Variants in DLG4 observed in about 807,000 individuals in gnomAD.
DLG4 encodes discs large MAGUK scaffold protein 4.
In DLG4, 7 loss-of-function variants were observed where a neutral mutation model predicts 93.8. The ratio of observed to expected loss-of-function variants is 0.07; its 90% CI spans 0.04 to 0.14. The LOEUF (loss-of-function observed/expected upper bound fraction) is 0.14, where lower values mean the gene tolerates loss of function less well. Ranked by LOEUF, DLG4 falls within the 10% of genes least tolerant of loss-of-function variation. DLG4 has a pLI of 1.00. For synonymous variants in DLG4, 341 were observed against 387.6 expected (o/e 0.88, Z 1.41); for missense variants, 545 against 992.9 (o/e 0.55, Z 6.06).
intron 8 of DLG4, among the ~76,000 whole-genome samples, chr17:7,202,260 C>T (rs1415650996): frequency 1.3e-5 from 2 of 152,024 alleles, no homozygotes; most frequent in South Asian, 4.1e-4. Flanking sequence ...GACAGGATCT[C>T]GCTTTGTTGC....
At chr17:7,198,407 C>T (rs905221113) in intron 8 of DLG4, among the ~76,000 whole-genome samples, 1 of 149,738 alleles carries the variant, frequency 6.7e-6, no homozygotes, top group African/African-American at 2.5e-5. Context: ...TGCTTGAACC[C>T]AGGAGGCGGA....
intron 2 of DLG4, among the ~76,000 whole-genome samples, chr17:7,207,158 G>A (rs1446536400): frequency 2.0e-5 from 3 of 152,004 alleles, no homozygotes; most frequent in Non-Finnish European, 2.9e-5. Flanking sequence ...AACCCAAGAG[G>A]ATGAGAGAGG....
In DLG4 at chr17:7,190,672, G is replaced by C; in HGVS notation, c.*36C>G. 6.5e-7 allele frequency: 1 copy of C among 1,540,826 alleles called. No homozygotes were observed. Among genetic ancestry groups the C allele is most frequent in the Non-Finnish European group, 9.0e-7 (1 of 1,113,534 alleles). On this transcript the variant is annotated 3_prime_UTR_variant, in exon 20 of 20. Transcript: ENST00000399506. ...GTCCAGACCAAGGGCCCAGGTGATGGAGGCAGGGCGAGTCCAGGCCAAGCC... is the reference window on the plus strand; with the variant it reads ...GTCCAGACCAAGGGCCCAGGTGATGCAGGCAGGGCGAGTCCAGGCCAAGCC...
Position 7,196,170 on chromosome 17 carries a change from T to A in DLG4, c.1301+50A>T, listed in dbSNP as rs2069771215. ...GCTGAGGCCCGGGCCAGGCACAGAG[T>A]GCCCAGGAACGCAGAGGGGCTGAGG... On this transcript the variant is annotated intron_variant, in intron 11 of 19. Transcript: ENST00000399506. The surrounding 1 kb of genome is among the most constrained non-coding windows in gnomAD (Gnocchi z 8.3). 5.6e-6 allele frequency: 8 copies of A among 1,435,898 alleles called. No individual in the cohort carries two copies. The highest frequency in any genetic ancestry group is 7.7e-6 in the Non-Finnish European group (8 of 1,034,320). The allele number at this position is 1,435,898 out of a possible 1,614,324, so 88.9% of individuals were successfully genotyped here. A position where few individuals can be genotyped will look rare whatever the true frequency, so the allele number is the denominator to read the frequency against.
chr17:7,218,389 C>T (rs1597510190), upstream of DLG4: 1 of 1,424,712 alleles, frequency 7.0e-7, no homozygotes, highest in Non-Finnish European at 9.7e-7. Context: ...GCCCTTTCAG[C>T]CAAGGCTGGT....
upstream of DLG4, chr17:7,218,247 C>G: frequency 6.2e-7 from 1 of 1,609,770 alleles, no homozygotes; most frequent in African/African-American, 1.3e-5. Flanking sequence ...TTACCTGACT[C>G]TCTGAGAGGG....
At position 7,190,727 on chromosome 17, in the gene DLG4, G is replaced by A; in HGVS notation, c.2156C>T (p.Pro719Leu). The change falls in exon 20 of 20, where the codon CCA (proline) becomes CTA (leucine). Residue 719 changes from proline (P) to leucine (L), a missense_variant. Physicochemically the swap from Pro to Leu is moderately conservative, Grantham distance 98. Coordinates refer to ENST00000399506, the MANE Select transcript of DLG4 (RefSeq NM_001321075.3). ...EDLSGPYIWV[P>L]ARERL ...CAGGAATCAGAGTCTCTCTCGGGCT[G>A]GAACCCAGATGTAGGGGCCTGAGAG... The A allele has an allele frequency of 3.1e-6, 5 of 1,613,778 alleles. No homozygotes were observed. Among genetic ancestry groups the A allele is most frequent in the Non-Finnish European group, 4.2e-6 (5 of 1,179,728 alleles).
chr17:7,191,680 G>T lies in DLG4; in HGVS notation c.1976+213C>A. ...CTCGCCCCAGCTGGTATGCCCCAGGGGCTGCTGGGAAATGTAGTCCTGTCT... is the reference window on the plus strand; with the variant it reads ...CTCGCCCCAGCTGGTATGCCCCAGGTGCTGCTGGGAAATGTAGTCCTGTCT... On this transcript the variant is annotated intron_variant, in intron 18 of 19. Transcript: ENST00000399506. The surrounding 1 kb of genome is among the most constrained non-coding windows in gnomAD (Gnocchi z 6.6). 1.7e-6 allele frequency: 1 copy of T among 584,042 alleles called. No homozygotes were observed. The highest frequency in any genetic ancestry group is 3.1e-6 in the Non-Finnish European group (1 of 322,734). The allele number at this position is 584,042 out of a possible 1,614,324, so 36.2% of individuals were successfully genotyped here.
chr17:7,211,247 AC>A (rs560548976), intron 1 of DLG4, among the ~76,000 whole-genome samples: 15 of 145,500 alleles, frequency 1.0e-4, no homozygotes, highest in South Asian at 2.2e-4. Flanking sequence ...GGAAAGGAGG[AC>A]CCCCCCCATC....
chr17:7,192,547 T>G (rs1420036742), intron 17 of DLG4: 157 of 177,748 alleles, frequency 8.8e-4, no homozygotes, highest in African/African-American at 1.4e-3. Context: ...AGCAGAGGAG[T>G]GGGAGAGGGG....
intron 1 of DLG4, chr17:7,211,744 A>C: frequency 7.2e-6 from 1 of 138,786 alleles, no homozygotes; most frequent in Non-Finnish European, 1.3e-5. Context: ...GTGGGATATC[A>C]AGGGTCCCGG....
intron 8 of DLG4, among the ~76,000 whole-genome samples, chr17:7,197,509 T>A (rs1018380611): frequency 1.3e-5 from 2 of 151,910 alleles, no homozygotes; most frequent in Non-Finnish European, 2.9e-5. Context: ...TTTTTGGGGT[T>A]TTTTTGAGAA....
intron 2 of DLG4, among the ~76,000 whole-genome samples, chr17:7,205,688 C>T (rs1038758617): frequency 1.3e-5 from 2 of 150,862 alleles, no homozygotes; most frequent in African/African-American, 4.9e-5. Context: ...ATCTCATCCA[C>T]GTGTTCATCC....
Position 7,217,561 on chromosome 17 carries a change from T to C in DLG4, c.-414A>G, listed in dbSNP as rs1044182196. 2.8e-5 allele frequency: 2 copies of C among 71,150 alleles called. No homozygotes were observed. Among genetic ancestry groups the C allele is most frequent in the African/African-American group, 2.5e-4 (1 of 4,074 alleles). The allele number at this position is 71,150 out of a possible 1,614,324, so 4.4% of individuals were successfully genotyped here. On this transcript the variant is annotated 5_prime_UTR_variant, in exon 1 of 20. Coordinates refer to ENST00000399506, the MANE Select transcript of DLG4 (RefSeq NM_001321075.3). ...TAGGGGCCGTGGCGGGGGAGTGGGG[T>C]GGGGGGGTTGGAAACGGCAGCGGCC...
chr17:7,197,083 C>T, intron 8 of DLG4, 31 bp from the exon 9 acceptor site: 2 of 1,563,938 alleles, frequency 1.3e-6, no homozygotes, highest in Non-Finnish European at 1.7e-6. Context: ...ATGAAAGTGC[C>T]TGGAGGGAAA....
chr17:7,190,963 C>T (rs918330876), intron 19 of DLG4, 149 bp from the exon 20 acceptor site: 269 of 348,302 alleles, frequency 7.7e-4, no homozygotes, highest in East Asian at 1.4e-3. Flanking sequence ...AGGGGCACCT[C>T]TTTTTTTTTT....
At chr17:7,211,141 G>A (rs951878914) in intron 1 of DLG4, among the ~76,000 whole-genome samples, 1 of 142,382 alleles carries the variant, frequency 7.0e-6, no homozygotes, top group African/African-American at 2.6e-5. Context: ...GGGTGGGGGC[G>A]GGGGAGAGTA....
At chr17:7,209,327 G>A (rs1213796330) in intron 1 of DLG4, among the ~76,000 whole-genome samples, 1 of 152,168 alleles carries the variant, frequency 6.6e-6, no homozygotes, top group African/African-American at 2.4e-5. Flanking sequence ...GTTTCTGCCT[G>A]GGTCCTTCCG....
At chr17:7,218,125 C>A, upstream of DLG4, 1 of 962,762 alleles carries the variant, frequency 1.0e-6, no homozygotes, top group Non-Finnish European at 1.6e-6. Context: ...GGGCCACTGA[C>A]TCAGGCTTTT....
Sources: gnomAD v4.1 joint callset for allele counts (sites outside exome capture counted in the v4.1 genomes callset) on GRCh38, gnomAD v4.1.1 for gene constraint, Gnocchi (gnomAD v3.1) non-coding constraint, MANE v1.5 for transcripts, NCBI Gene and HGNC (gene_info 2026-07-23, HGNC 2026-07-21) for gene names.